The following B4GALNT3 variants were observed in gnomAD, a reference collection of about 807,000 sequenced individuals.
B4GALNT3 encodes beta-1,4-N-acetylgalactosaminyltransferase 3.
In B4GALNT3, 86 loss-of-function variants were observed where a neutral mutation model predicts 120.2. The observed-to-expected ratio is 0.72, with a 90% CI of 0.60 to 0.86. The LOEUF is 0.86. Among genes scored for constraint, B4GALNT3 ranks in the 40% least tolerant of loss-of-function variants. The pLI, the probability that B4GALNT3 is intolerant of heterozygous loss-of-function variation, is 0.00. For synonymous variants in B4GALNT3, 518 were observed against 510.4 expected (o/e 1.01, Z -0.20); for missense variants, 1,167 against 1,298.9 (o/e 0.90, Z 1.56).
Position 490,356 on chromosome 12 carries a change from T to A in B4GALNT3, c.169+29811T>A, listed in dbSNP as rs546832863. Among the ~76,000 whole-genome samples, 13 of 151,796 alleles carry A rather than the reference T, an allele frequency of 8.6e-5. 1 individual carries two copies. The South Asian group carries it at 2.7e-3, about 32-fold the overall frequency. On this transcript the variant is annotated intron_variant, in intron 1 of 19. Coordinates refer to ENST00000266383, the MANE Select transcript of B4GALNT3 (RefSeq NM_173593.4). The stretch of plus-strand genomic sequence containing the variant: ...AGATTGATAAGCCTCTAAGCCATGC[T>A]AACTAAGAAAAAAAAACAAATTACT...
intron 1 of B4GALNT3, among the ~76,000 whole-genome samples, chr12:476,400 G>A (rs552356525): frequency 2.7e-4 from 41 of 152,186 alleles, no homozygotes; most frequent in African/African-American, 9.9e-4. Context: ...AGACCAGCCT[G>A]GGCAACATAG....
At chr12:479,608 TAA>T (rs1424842547) in intron 1 of B4GALNT3, among the ~76,000 whole-genome samples, 1 of 152,218 alleles carries the variant, frequency 6.6e-6, no homozygotes, top group East Asian at 1.9e-4. Flanking sequence ...CAGGTGCAGA[TAA>T]AAAGTCTGGA....
intron 1 of B4GALNT3, among the ~76,000 whole-genome samples, chr12:512,109 T>C (rs1270075134): frequency 1.6e-5 from 2 of 126,240 alleles, no homozygotes; most frequent in Non-Finnish European, 3.3e-5. Context: ...ACCTTCCACC[T>C]TCTTCCACCT....
intron 3 of B4GALNT3, among the ~76,000 whole-genome samples, chr12:537,751 C>A (rs553952888): frequency 6.6e-6 from 1 of 152,144 alleles, no homozygotes; most frequent in Non-Finnish European, 1.5e-5. Context: ...CGAGGCCCTG[C>A]GGACACAGAT....
chr12:467,231 C>T (rs999244856), intron 1 of B4GALNT3, among the ~76,000 whole-genome samples: 1 of 152,074 alleles, frequency 6.6e-6, no homozygotes, highest in Non-Finnish European at 1.5e-5. Context: ...CCACTGTGCT[C>T]GGCCTCATTT....
chr12:552,626 G>A, intron 13 of B4GALNT3, 98 bp downstream of exon 13: 1 of 1,207,230 alleles, frequency 8.3e-7, no homozygotes, highest in Non-Finnish European at 1.2e-6. Context: ...CGCCCCTGAG[G>A]AGCTCAAGAT....
At position 558,505 on chromosome 12, in the gene B4GALNT3, C is replaced by A; in HGVS notation, c.2608-3C>A. On this transcript the variant is annotated splice_polypyrimidine_tract_variant and splice_region_variant and intron_variant, in intron 17 of 19. Coordinates refer to ENST00000266383, the MANE Select transcript of B4GALNT3 (RefSeq NM_173593.4). The stretch of plus-strand genomic sequence containing the variant: ...TGCTGACCCTGCCCACATCTGTCCC[C>A]AGGACCCGCACAGCATCATCTTCCT... The A allele has an allele frequency of 6.2e-7, 1 of 1,613,850 alleles. No individual in the cohort carries two copies. Among genetic ancestry groups the A allele is most frequent in the Non-Finnish European group, 8.5e-7 (1 of 1,179,848 alleles).
chr12:470,551 C>T (rs755635569), intron 1 of B4GALNT3, among the ~76,000 whole-genome samples: 2 of 152,210 alleles, frequency 1.3e-5, no homozygotes, highest in Non-Finnish European at 2.9e-5. Context: ...CCCGGGTCTC[C>T]TTTCTTCCCA....
intron 1 of B4GALNT3, among the ~76,000 whole-genome samples, chr12:500,738 G>T (rs1349103498): frequency 1.3e-5 from 2 of 152,086 alleles, no homozygotes; most frequent in East Asian, 3.8e-4. Flanking sequence ...GCTACAGTGT[G>T]TCTCTAGGAC....
intron 1 of B4GALNT3, among the ~76,000 whole-genome samples, chr12:523,796 C>G (rs1946735225): frequency 6.6e-6 from 1 of 152,244 alleles, no homozygotes; most frequent in African/African-American, 2.4e-5. Flanking sequence ...GGCGCAGTGG[C>G]TCATGCCTGT....
chr12:500,963 G>A (rs1240631749), intron 1 of B4GALNT3, among the ~76,000 whole-genome samples: 1 of 135,226 alleles, frequency 7.4e-6, no homozygotes, highest in Non-Finnish European at 1.5e-5. Flanking sequence ...CACCTCCCAG[G>A]TTCAAGCGAT....
intron 1 of B4GALNT3, among the ~76,000 whole-genome samples, chr12:495,629 G>A (rs76275212): frequency 0.13 from 20,257 of 152,060 alleles, 1,873 homozygotes; most frequent in Admixed American, 0.29. Flanking sequence ...GGGTGAATGC[G>A]GACCAGACTC....
At chr12:478,271 AATT>A (rs34047543) in intron 1 of B4GALNT3, among the ~76,000 whole-genome samples, 47,539 of 123,202 alleles carry the variant, frequency 0.39, 8,638 homozygotes, top group East Asian at 0.48. Context: ...AAAAAAAAAA[AATT>A]AGAGGAGGTA....
chr12:461,140 C>G (rs1016726310), intron 1 of B4GALNT3, among the ~76,000 whole-genome samples: 5 of 152,104 alleles, frequency 3.3e-5, no homozygotes, highest in Non-Finnish European at 5.9e-5. Flanking sequence ...AGCCTCCGTC[C>G]TCGGCTCTTT....
In B4GALNT3 at chr12:550,843, G is replaced by A; in HGVS notation, c.998-79G>A. ...GCTGCCGCTTGCGAATACAGAAAGGGCCCTGCTCAGGGCAGAGGACTTCAG... is the reference window on the plus strand; with the variant it reads ...GCTGCCGCTTGCGAATACAGAAAGGACCCTGCTCAGGGCAGAGGACTTCAG... On this transcript the variant is annotated intron_variant, in intron 10 of 19. Transcript: ENST00000266383. This position sits in a 1 kb window ranked among gnomAD's most constrained non-coding sequence, Gnocchi z 4.1. The A allele has an allele frequency of 8.6e-7, 1 of 1,158,008 alleles. No homozygotes were observed. Among genetic ancestry groups the A allele is most frequent in the Non-Finnish European group, 1.3e-6 (1 of 792,154 alleles). The allele number at this position is 1,158,008 out of a possible 1,614,324, so 71.7% of individuals were successfully genotyped here. A position where few individuals can be genotyped will look rare whatever the true frequency, so the allele number is the denominator to read the frequency against.
Position 551,034 on chromosome 12 carries a change from A to T in B4GALNT3, c.1107+3A>T. The T allele has an allele frequency of 6.2e-7, 1 of 1,601,558 alleles. No homozygotes were observed. Among genetic ancestry groups the T allele is most frequent in the Non-Finnish European group, 8.6e-7 (1 of 1,168,656 alleles). The stretch of plus-strand genomic sequence containing the variant: ...AGCGCTACCAGGGACTCCGGTTTGT[A>T]AGTCTTGGGCCTGGGTCATGGAGAG... On this transcript the variant is annotated splice_donor_region_variant and intron_variant, in intron 11 of 19. Transcript: ENST00000266383.
chr12:480,335 G>C (rs1195368425), intron 1 of B4GALNT3, among the ~76,000 whole-genome samples: 1 of 152,142 alleles, frequency 6.6e-6, no homozygotes, highest in Non-Finnish European at 1.5e-5. Flanking sequence ...GTGGGGTCCA[G>C]TCTTGGTTCT....
intron 9 of B4GALNT3, 116 bp from the exon 10 acceptor site, chr12:549,653 A>C (rs1592054642): frequency 1.5e-6 from 2 of 1,324,322 alleles, no homozygotes; most frequent in South Asian, 2.7e-5. Context: ...CACATCCTAC[A>C]CCGTCGCCGC....
chr12:518,595 T>A (rs1012996721), intron 1 of B4GALNT3, among the ~76,000 whole-genome samples: 1 of 152,094 alleles, frequency 6.6e-6, no homozygotes, highest in African/African-American at 2.4e-5. Context: ...AGATGGGGTC[T>A]GTTGTGTTGC....
Sources: allele counts gnomAD v4.1 joint callset (sites outside exome capture counted in the v4.1 genomes callset), GRCh38; gene constraint gnomAD v4.1.1; non-coding constraint Gnocchi (gnomAD v3.1); transcripts MANE v1.5; gene names NCBI Gene and HGNC (gene_info 2026-07-23, HGNC 2026-07-21).